The following CPXM2 variants were observed in gnomAD, a reference collection of about 807,000 sequenced individuals.
The protein encoded by CPXM2 is inactive carboxypeptidase-like protein X2.
CPXM2 carries 66 observed loss-of-function variants against 86.1 expected under a neutral mutation model. That is an observed-to-expected ratio of 0.77 (90% CI 0.63 to 0.94). The LOEUF (loss-of-function observed/expected upper bound fraction) is 0.94. CPXM2 is among the 40% of genes least tolerant of loss of function. The pLI, the probability that CPXM2 is intolerant of heterozygous loss-of-function variation, is 0.00. For synonymous variants in CPXM2, 388 were observed against 400.2 expected, an observed-to-expected ratio of 0.97 and a Z score of 0.36; for missense variants, 948 against 1,026.3, an observed-to-expected ratio of 0.92 and a Z score of 1.04.
chr10:123,865,640 G>T lies in CPXM2; in HGVS notation c.404-2917C>A, dbSNP rs144058468. ...GCCTGACTCACCTGGTCCCCTGGCT[G>T]CCCACTGGGATCAGGGTGCTGTTAG... is the stretch of plus-strand genomic sequence containing the variant. On this transcript the variant is annotated intron_variant, in intron 2 of 13. Transcript: ENST00000241305. This position sits in a 1 kb window ranked among gnomAD's most constrained non-coding sequence, Gnocchi z 4.7. Among the ~76,000 whole-genome samples, 519 of 152,262 alleles carry T rather than the reference G, an allele frequency of 3.4e-3. 4 individuals are homozygous for T. The highest frequency in any genetic ancestry group is 0.012 in the African/African-American group (499 of 41,552).
intron 6 of CPXM2, among the ~76,000 whole-genome samples, chr10:123,783,517 T>C (rs992412000): frequency 2.6e-5 from 4 of 152,200 alleles, no homozygotes; most frequent in Admixed American, 1.3e-4. Context: ...TCACAGAGCT[T>C]GCAGGAGCAC....
At chr10:123,879,016 C>T (rs28475430) in intron 2 of CPXM2, among the ~76,000 whole-genome samples, 3,791 of 152,270 alleles carry the variant, frequency 0.025, 124 homozygotes, top group African/African-American at 0.083. Context: ...TGCGCTCTCC[C>T]GGTCCAATGA....
At chr10:123,903,548 C>T (rs971610346) in intron 2 of CPXM2, among the ~76,000 whole-genome samples, 7 of 152,206 alleles carry the variant, frequency 4.6e-5, no homozygotes, top group Admixed American at 2.0e-4. Context: ...TGTCCTGTCC[C>T]GCCACCTTTG....
intron 4 of CPXM2, among the ~76,000 whole-genome samples, chr10:123,837,418 T>C (rs994640308): frequency 2.0e-5 from 3 of 152,224 alleles, no homozygotes; most frequent in African/African-American, 7.2e-5. Context: ...CAGAGAATCA[T>C]TTTGTCGATT....
At chr10:123,911,718 C>T (rs1253650820) in intron 2 of CPXM2, among the ~76,000 whole-genome samples, 1 of 151,924 alleles carries the variant, frequency 6.6e-6, no homozygotes, top group Non-Finnish European at 1.5e-5. Flanking sequence ...TCACATGTCA[C>T]TGTGATGCCA....
intron 3 of CPXM2, among the ~76,000 whole-genome samples, chr10:123,859,711 C>A (rs552913141): frequency 2.0e-5 from 3 of 152,326 alleles, no homozygotes; most frequent in South Asian, 4.1e-4. Flanking sequence ...CCCACGAAGA[C>A]AAATAGCACT....
chr10:123,909,343 C>T (rs146219420), intron 2 of CPXM2, among the ~76,000 whole-genome samples: 106 of 152,326 alleles, frequency 7.0e-4, no homozygotes, highest in African/African-American at 2.5e-3. Context: ...CTATAAATCC[C>T]GATTGCAGTC....
chr10:123,886,757 T>C (rs888848468), intron 1 of CPXM2, among the ~76,000 whole-genome samples: 5 of 152,214 alleles, frequency 3.3e-5, no homozygotes, highest in Non-Finnish European at 7.3e-5. Flanking sequence ...TTCAAATCCC[T>C]CATTCAAATC....
chr10:123,891,833 C>T, upstream of CPXM2: 1 of 211,040 alleles, frequency 4.7e-6, no homozygotes, highest in South Asian at 1.7e-4. The surrounding 1 kb of genome is among the most constrained non-coding windows in gnomAD (Gnocchi z 5.6). Context: ...CTGGGCTGGG[C>T]TGGGCCGGGG....
At chr10:123,843,298 T>C (rs750625824) in intron 3 of CPXM2, 2 of 455,782 alleles carry the variant, frequency 4.4e-6, no homozygotes. Context: ...AAGTTTTTGC[T>C]CTGGAATTTT....
At chr10:123,899,045 C>T (rs984371209) in intron 2 of CPXM2, among the ~76,000 whole-genome samples, 6 of 152,256 alleles carry the variant, frequency 3.9e-5, no homozygotes, top group Non-Finnish European at 8.8e-5. Flanking sequence ...CCACCGCACC[C>T]GGCCTGAAAG....
intron 4 of CPXM2, among the ~76,000 whole-genome samples, chr10:123,824,192 T>C (rs890407725): frequency 3.3e-5 from 5 of 152,220 alleles, no homozygotes; most frequent in African/African-American, 1.2e-4. Context: ...TGAATAAAAT[T>C]GGAAAGCATT....
At chr10:123,875,246 A>T (rs982401631) in intron 2 of CPXM2, among the ~76,000 whole-genome samples, 1 of 152,218 alleles carries the variant, frequency 6.6e-6, no homozygotes, top group African/African-American at 2.4e-5. Context: ...ATAACTTTTT[A>T]GGCATGTTTG....
At chr10:123,809,668 C>T (rs548923939) in intron 4 of CPXM2, among the ~76,000 whole-genome samples, 156 of 151,764 alleles carry the variant, frequency 1.0e-3, no homozygotes, top group Middle Eastern at 3.4e-3. Flanking sequence ...ATTATTATCT[C>T]CATTTTACAG....
intron 3 of CPXM2, among the ~76,000 whole-genome samples, chr10:123,854,761 G>A (rs1336659052): frequency 6.6e-6 from 1 of 151,860 alleles, no homozygotes; most frequent in Non-Finnish European, 1.5e-5. Flanking sequence ...TACACAGGTA[G>A]GATGACCGTC....
At chr10:123,773,285 T>C (rs1846696046) in intron 7 of CPXM2, among the ~76,000 whole-genome samples, 1 of 151,586 alleles carries the variant, frequency 6.6e-6, no homozygotes. Flanking sequence ...ACCTCCCTCA[T>C]TGTGGTTATC....
At chr10:123,904,875 T>TTACATCTGCATCCTGTGACCTCCCC (rs1945419142) in intron 2 of CPXM2, among the ~76,000 whole-genome samples, 1 of 25,414 alleles carries the variant, frequency 3.9e-5, no homozygotes, top group African/African-American at 2.2e-4. Flanking sequence ...GACCTCCCCA[T>TTACATCTGCATCCTGTGACCTCCCC]CCCACCCACC....
chr10:123,872,696 A>C (rs1412046113), intron 2 of CPXM2, among the ~76,000 whole-genome samples: 1 of 152,180 alleles, frequency 6.6e-6, no homozygotes, highest in Non-Finnish European at 1.5e-5. Context: ...CCTGGAGAAA[A>C]TCTGGCTGAA....
At chr10:123,847,247 A>T (rs1054587814) in intron 3 of CPXM2, among the ~76,000 whole-genome samples, 1 of 152,228 alleles carries the variant, frequency 6.6e-6, no homozygotes, top group Non-Finnish European at 1.5e-5. Context: ...ATTTCAGGCC[A>T]GGTGCGGTGG....
Sources: allele counts gnomAD v4.1 joint callset (sites outside exome capture counted in the v4.1 genomes callset), GRCh38; gene constraint gnomAD v4.1.1; non-coding constraint Gnocchi (gnomAD v3.1); transcripts MANE v1.5; gene names NCBI Gene and HGNC (gene_info 2026-07-23, HGNC 2026-07-21).